The following TRABD2B variants were observed in gnomAD, a reference collection of about 807,000 sequenced individuals.
TRABD2B encodes the protein metalloprotease TIKI2.
A neutral mutation model predicts 40.1 loss-of-function variants in TRABD2B; 14 were observed. That is an observed-to-expected ratio of 0.35 (90% CI 0.23 to 0.55). The LOEUF is 0.55. Among genes scored for constraint, TRABD2B ranks in the 20% least tolerant of loss-of-function variants. The pLI is 0.90. For synonymous variants in TRABD2B, 263 were observed against 277.0 expected, an observed-to-expected ratio of 0.95 and a Z score of 0.50; for missense variants, 541 against 648.6, an observed-to-expected ratio of 0.83 and a Z score of 1.80.
At chr1:47,817,663 C>T (rs895801070) in intron 2 of TRABD2B, among the ~76,000 whole-genome samples, 2 of 152,172 alleles carry the variant, frequency 1.3e-5, no homozygotes, top group African/African-American at 4.8e-5. Flanking sequence ...AGCCCAACTC[C>T]ACCCAGCCTG....
intron 4 of TRABD2B, among the ~76,000 whole-genome samples, chr1:47,788,769 G>A (rs1477500376): frequency 6.6e-6 from 1 of 152,176 alleles, no homozygotes; most frequent in Non-Finnish European, 1.5e-5. Flanking sequence ...ATTATAGCAC[G>A]TGCTAGGGAC....
chr1:47,908,763 G>A (rs567834886), intron 2 of TRABD2B, among the ~76,000 whole-genome samples: 32 of 152,372 alleles, frequency 2.1e-4, no homozygotes, highest in African/African-American at 7.5e-4. Flanking sequence ...AGCAGGCCAT[G>A]GAGGGCTCTG....
chr1:47,900,159 G>T (rs1159886218), intron 2 of TRABD2B, among the ~76,000 whole-genome samples: 1 of 152,100 alleles, frequency 6.6e-6, no homozygotes, highest in Non-Finnish European at 1.5e-5. Context: ...AGACTGAGGG[G>T]GTGTGGGGGA....
intron 2 of TRABD2B, among the ~76,000 whole-genome samples, chr1:47,976,825 C>A (rs1229576927): frequency 6.6e-6 from 1 of 152,094 alleles, no homozygotes; most frequent in African/African-American, 2.4e-5. Context: ...GAAGATTGAT[C>A]CATTTTTTAA....
At position 47,760,554 on chromosome 1, in the gene TRABD2B, A is replaced by G. The variant is rs1644233247; in HGVS notation, c.*5348T>C. ...TGAATTCATAATATCTTTTATTAAT[A>G]TATTATGCTACAAAAATATTTTTGG... On this transcript the variant is annotated 3_prime_UTR_variant, in exon 7 of 7. Coordinates refer to ENST00000606738, the MANE Select transcript of TRABD2B (RefSeq NM_001194986.2). The G allele has an allele frequency of 6.6e-6, 1 of 152,216 alleles. No individual in the cohort carries two copies. Among genetic ancestry groups the G allele is most frequent in the Admixed American group, 6.5e-5 (1 of 15,282 alleles). 9.4% of individuals were successfully genotyped at this position (152,216 alleles called of 1,614,324 possible).
intron 2 of TRABD2B, among the ~76,000 whole-genome samples, chr1:47,966,029 A>G (rs1360407791): frequency 1.3e-5 from 2 of 152,190 alleles, no homozygotes; most frequent in East Asian, 3.9e-4. Flanking sequence ...GAAGCCATAC[A>G]TGTCACTTGA....
Position 47,765,512 on chromosome 1 carries a change from C to A in TRABD2B, c.*390G>T. On this transcript the variant is annotated 3_prime_UTR_variant, in exon 7 of 7. Coordinates refer to ENST00000606738, the MANE Select transcript of TRABD2B (RefSeq NM_001194986.2). Reference sequence around the variant, plus strand: ...AGAAGCCAAACCCAGACCCAGGAGGCTTCGGTGATCCAAGAGCAAGCCAGT... The same window carrying A: ...AGAAGCCAAACCCAGACCCAGGAGGATTCGGTGATCCAAGAGCAAGCCAGT... 5.3e-6 allele frequency: 1 copy of A among 187,434 alleles called. No homozygotes were observed. Among genetic ancestry groups the A allele is most frequent in the South Asian group, 1.1e-4 (1 of 9,494 alleles). 11.6% of individuals were successfully genotyped at this position (187,434 alleles called of 1,614,324 possible). A position where few individuals can be genotyped will look rare whatever the true frequency, so the allele number is the denominator to read the frequency against.
chr1:47,950,323 G>A (rs141436902), intron 2 of TRABD2B, among the ~76,000 whole-genome samples: 4 of 152,108 alleles, frequency 2.6e-5, no homozygotes, highest in Middle Eastern at 3.4e-3. Flanking sequence ...AAAGAAGAGA[G>A]AGGTAAGGTG....
At chr1:47,971,088 G>A (rs1645675645) in intron 2 of TRABD2B, among the ~76,000 whole-genome samples, 1 of 152,200 alleles carries the variant, frequency 6.6e-6, no homozygotes, top group Non-Finnish European at 1.5e-5. Context: ...AATGAAATTT[G>A]ATAGCACGGT....
intron 2 of TRABD2B, among the ~76,000 whole-genome samples, chr1:47,854,960 A>G (rs770318471): frequency 2.0e-5 from 3 of 152,180 alleles, no homozygotes; most frequent in Admixed American, 6.5e-5. Flanking sequence ...ACCACCTCTG[A>G]GCCTATTTCC....
chr1:47,982,850 G>A (rs1305126726), intron 2 of TRABD2B, among the ~76,000 whole-genome samples: 2 of 152,078 alleles, frequency 1.3e-5, no homozygotes, highest in Admixed American at 6.5e-5. Flanking sequence ...CCTGCAAGGT[G>A]TCTCTCAAAG....
intron 2 of TRABD2B, among the ~76,000 whole-genome samples, chr1:47,812,966 G>A (rs1228544288): frequency 6.6e-6 from 1 of 152,146 alleles, no homozygotes; most frequent in Non-Finnish European, 1.5e-5. Flanking sequence ...GAGATGAGCT[G>A]ACTGAGGCCC....
chr1:47,916,885 C>T (rs1236501735), intron 2 of TRABD2B, among the ~76,000 whole-genome samples: 1 of 152,282 alleles, frequency 6.6e-6, no homozygotes, highest in Non-Finnish European at 1.5e-5. Context: ...CTGAGAGGCA[C>T]AGTCGAGAAA....
At chr1:47,893,205 A>G (rs1463017932) in intron 2 of TRABD2B, among the ~76,000 whole-genome samples, 1 of 152,086 alleles carries the variant, frequency 6.6e-6, no homozygotes, top group Admixed American at 6.6e-5. Context: ...TCACATTTCA[A>G]TTCAGTTGAT....
At chr1:47,854,577 G>A (rs905663793) in intron 2 of TRABD2B, among the ~76,000 whole-genome samples, 8 of 134,790 alleles carry the variant, frequency 5.9e-5, no homozygotes, top group South Asian at 2.2e-4. Context: ...AAAACAGAGT[G>A]TAGGGTGCCA....
intron 2 of TRABD2B, among the ~76,000 whole-genome samples, chr1:47,913,448 C>T (rs74667555): frequency 0.023 from 3,577 of 152,266 alleles, 106 homozygotes; most frequent in Admixed American, 0.09. Context: ...GGCACCCAGT[C>T]GGTTCTAGGA....
chr1:47,888,539 C>T (rs1486813084), intron 2 of TRABD2B, among the ~76,000 whole-genome samples: 1 of 152,218 alleles, frequency 6.6e-6, no homozygotes, highest in Non-Finnish European at 1.5e-5. Context: ...GTCCCTTCTT[C>T]AGATCTCCTC....
intron 2 of TRABD2B, among the ~76,000 whole-genome samples, chr1:47,890,323 A>C (rs921405743): frequency 6.6e-6 from 1 of 152,192 alleles, no homozygotes; most frequent in African/African-American, 2.4e-5. Flanking sequence ...ACACTGCCCC[A>C]GTTAGTAGCA....
At chr1:47,860,386 C>T (rs1379420405) in intron 2 of TRABD2B, among the ~76,000 whole-genome samples, 1 of 152,170 alleles carries the variant, frequency 6.6e-6, no homozygotes, top group Admixed American at 6.5e-5. Flanking sequence ...TCTACCTGAA[C>T]ATCTCTGTCT....
Sources: allele counts gnomAD v4.1 joint callset (sites outside exome capture counted in the v4.1 genomes callset), GRCh38; gene constraint gnomAD v4.1.1; transcripts MANE v1.5; gene names NCBI Gene and HGNC (gene_info 2026-07-23, HGNC 2026-07-21).